Variants in GRB7 observed in about 807,000 individuals in gnomAD.
GRB7 encodes the protein growth factor receptor bound protein 7.
In GRB7, 47 loss-of-function variants were observed where a neutral mutation model predicts 64.1. That is an observed-to-expected ratio of 0.73 (90% CI 0.58 to 0.94). The LOEUF is 0.94. Ranked by LOEUF, GRB7 falls within the 40% of genes least tolerant of loss-of-function variation. The pLI, the probability that GRB7 is intolerant of heterozygous loss-of-function variation, is 0.00. For missense variants in GRB7, 634 were observed against 718.4 expected (o/e 0.88, Z 1.34); for synonymous variants, 277 against 279.9 (o/e 0.99, Z 0.10).
At chr17:39,746,275 C>A (rs552316806) in intron 14 of GRB7, 73 bp downstream of exon 14, 7 of 1,252,894 alleles carry the variant, frequency 5.6e-6, no homozygotes, top group Non-Finnish European at 8.2e-6. Flanking sequence ...CCTCACCAGG[C>A]CCCTCCAGAG....
chr17:39,742,595 C>A lies in GRB7; in HGVS notation c.185C>A (p.Thr62Asn). 3 of 1,613,898 alleles carry A rather than the reference C, an allele frequency of 1.9e-6. No individual in the cohort carries two copies. The highest frequency in any genetic ancestry group is 1.7e-6 in the Non-Finnish European group (2 of 1,179,934). Residue 62 changes from threonine (T) to asparagine (N), a missense_variant, in exon 3 of 15, where the codon ACC (threonine) becomes AAC (asparagine). Coordinates refer to ENST00000309156, the MANE Select transcript of GRB7 (RefSeq NM_005310.5). Reference sequence around the variant, plus strand: ...CTTCGAGAGGAGGAGAGGCGTGCCACCTCCCTCCCCTCTATCCCCAACCCC... The same window carrying A: ...CTTCGAGAGGAGGAGAGGCGTGCCAACTCCCTCCCCTCTATCCCCAACCCC... ...RKLREEERRA[T>N]SLPSIPNPFP...
rs2143425931 is a variant in GRB7, at chr17:39,745,496, G to C, written c.1167G>C (p.Arg389=). The change falls in exon 11 of 15, where the codon CGG becomes CGC. Residue 389 remains arginine, a synonymous_variant. Transcript: ENST00000309156. Reference sequence around the variant, plus strand: ...CTGGGCGTGTCATTGAGAACCCCCGGGAGGCTCTGAGTGTGGCCCTGGAGG... The same window carrying C: ...CTGGGCGTGTCATTGAGAACCCCCGCGAGGCTCTGAGTGTGGCCCTGGAGG... ...GHAGRVIENP[R]EALSVALEEA... is the part of the protein sequence containing the mutation. 6.2e-7 allele frequency: 1 copy of C among 1,614,010 alleles called. No homozygotes were observed. The highest frequency in any genetic ancestry group is 1.7e-5 in the Admixed American group (1 of 60,034).
intron 1 of GRB7, 86 bp from the exon 2 acceptor site, chr17:39,742,166 C>A: frequency 2.3e-6 from 2 of 874,218 alleles, no homozygotes; most frequent in Admixed American, 1.7e-5. Flanking sequence ...CCAGTTAGAG[C>A]AGTGAGGTGC....
At chr17:39,746,616 C>CA (rs375400306) in intron 14 of GRB7, 135 bp from the exon 15 acceptor site, 70,924 of 924,404 alleles carry the variant, frequency 0.077, 1 homozygote, top group East Asian at 0.083. Flanking sequence ...AAAACTGTCT[C>CA]AAAAAAAAAA....
intron 1 of GRB7, chr17:39,740,195 G>A: frequency 1.0e-6 from 1 of 982,106 alleles, no homozygotes; most frequent in Middle Eastern, 5.2e-4. Context: ...AGACTGGGGT[G>A]GGAGTGGGGG....
At chr17:39,743,750 G>A (rs942189045) in intron 6 of GRB7, 3 of 499,564 alleles carry the variant, frequency 6.0e-6, no homozygotes, top group Non-Finnish European at 1.1e-5. Context: ...TGAGGCGGGA[G>A]GATTACTTAA....
At chr17:39,739,062 T>C in intron 1 of GRB7, 1 of 699,288 alleles carries the variant, frequency 1.4e-6, no homozygotes, top group Non-Finnish European at 2.1e-6. Flanking sequence ...TTGATGAGGC[T>C]AGGGAGAGAC....
In GRB7 at chr17:39,747,158, G is replaced by C; in HGVS notation, c.*261G>C. 2.0e-6 allele frequency: 1 copy of C among 511,746 alleles called. No individual in the cohort carries two copies. The allele number at this position is 511,746 out of a possible 1,614,324, so 31.7% of individuals were successfully genotyped here. A position where few individuals can be genotyped will look rare whatever the true frequency, so the allele number is the denominator to read the frequency against. On this transcript the variant is annotated 3_prime_UTR_variant, in exon 15 of 15. Coordinates refer to ENST00000309156, the MANE Select transcript of GRB7 (RefSeq NM_005310.5). ...TCCTAGCTCTGGAGGTGCTGCTCTA[G>C]GGCAGGGAATTATGGGAGAAGTGGG...
intron 1 of GRB7, chr17:39,738,494 C>T (rs1028582104): frequency 6.2e-6 from 1 of 160,374 alleles, no homozygotes; most frequent in African/African-American, 2.4e-5. Context: ...TGGCCTCCCA[C>T]TTTTCTCTTT....
Position 39,746,577 on chromosome 17 carries a change from C to T in GRB7, c.1453-174C>T, listed in dbSNP as rs9895237. Among the ~76,000 whole-genome samples, 1,188 of 151,408 alleles carry T rather than the reference C, an allele frequency of 7.8e-3. 14 individuals carry two copies. Among genetic ancestry groups the T allele is most frequent in the African/African-American group, 0.028 (1,134 of 41,138 alleles). On this transcript the variant is annotated intron_variant, in intron 14 of 14. Transcript: ENST00000309156. ...GCTGCAGTGAGCCATGGTGGCACCA[C>T]CACACTCCAGCCTGGATGACACAGT...
intron 11 of GRB7, 34 bp from the exon 12 acceptor site, chr17:39,745,694 C>A (rs547487398): frequency 7.5e-6 from 12 of 1,609,978 alleles, no homozygotes; most frequent in Non-Finnish European, 1.0e-5. Context: ...CCCAAGCACG[C>A]CCCGACTCTC....
In GRB7 at chr17:39,744,148, C is replaced by T. The variant is rs373836261; in HGVS notation, c.742C>T (p.Arg248Cys). 1.0e-4 allele frequency: 164 copies of T among 1,614,152 alleles called. 1 individual carries two copies. Among genetic ancestry groups the T allele is most frequent in the Non-Finnish European group, 1.2e-4 (145 of 1,180,034 alleles). Residue 248 changes from arginine to cysteine, a missense_variant, in exon 7 of 15, where the codon CGC (arginine) becomes TGC (cysteine). By Grantham distance (180) the Arg-to-Cys change is radical. This residue lies in a region of GRB7 where 467 missense variants were observed against 576.6 expected (regional missense o/e 0.81). Transcript: ENST00000309156. ...LRGSGRKLWK[R>C]FFCFLRRSGL... ...GGGTTCAGGACGGAAGCTTTGGAAA[C>T]GCTTTTTCTGCTTCTTGCGCCGATC...
At chr17:39,744,429 C>A in intron 7 of GRB7, 124 bp from the exon 8 acceptor site, 1 of 853,728 alleles carries the variant, frequency 1.2e-6, no homozygotes, top group Non-Finnish European at 1.9e-6. Flanking sequence ...CTTCTATTTG[C>A]TGTGTGACCC....
chr17:39,742,893 C>T lies in GRB7; in HGVS notation c.307-5C>T, dbSNP rs770850200. 70 of 1,572,598 alleles carry T rather than the reference C, an allele frequency of 4.5e-5. No homozygotes were observed. Among genetic ancestry groups the T allele is most frequent in the African/African-American group, 5.4e-5 (4 of 73,752 alleles). On this transcript the variant is annotated splice_region_variant and splice_polypyrimidine_tract_variant and intron_variant, in intron 3 of 14. Transcript: ENST00000309156. Reference sequence around the variant, plus strand: ...CTCAAGTCGTGTGCAATTCCTGGGGCGCAGGTAGTAAAGGTGTACAGTGAG... The same window carrying T: ...CTCAAGTCGTGTGCAATTCCTGGGGTGCAGGTAGTAAAGGTGTACAGTGAG...
chr17:39,740,350 T>C (rs924915342), intron 1 of GRB7, among the ~76,000 whole-genome samples: 1 of 152,176 alleles, frequency 6.6e-6, no homozygotes, highest in Non-Finnish European at 1.5e-5. Flanking sequence ...CTCCTGCTCC[T>C]GTGGTACCCC....
In GRB7 at chr17:39,743,200, G is replaced by C; in HGVS notation, c.484G>C (p.Glu162Gln). 1 of 1,614,152 alleles carries C rather than the reference G, an allele frequency of 6.2e-7. No homozygotes were observed. The highest frequency in any genetic ancestry group is 1.7e-5 in the Admixed American group (1 of 60,030). The change falls in exon 5 of 15, where the codon GAG becomes CAG. Residue 162 changes from glutamate to glutamine, a missense_variant. This residue lies in a region of GRB7 where 467 missense variants were observed against 576.6 expected (regional missense o/e 0.81). Coordinates refer to ENST00000309156, the MANE Select transcript of GRB7 (RefSeq NM_005310.5). ...CCCAGAGCGGGGTTTGGAGGACCAC[G>C]AGTCCGTGGTGGAAGTGCAGGCTGC... ...LALERGLEDH[E>Q]SVVEVQAAWP... is the part of the protein sequence containing the mutation.
chr17:39,746,166 C>T lies in GRB7; in HGVS notation c.1416C>T (p.Cys472=), dbSNP rs2143431128. The T allele has an allele frequency of 6.2e-7, 1 of 1,613,992 alleles. No individual in the cohort carries two copies. Among genetic ancestry groups the T allele is most frequent in the Non-Finnish European group, 8.5e-7 (1 of 1,179,928 alleles). Residue 472 remains cysteine, a synonymous_variant, in exon 14 of 15, where the codon TGC becomes TGT. Coordinates refer to ENST00000309156, the MANE Select transcript of GRB7 (RefSeq NM_005310.5). ...RNPQGFVLSL[C]HLQKVKHYLI... is the part of the protein sequence containing the mutation. ...CCCAGGGCTTTGTCCTCTCTTTGTG[C>T]CACCTGCAGAAAGTGAAGCATTATC...
At chr17:39,743,627 A>G in intron 6 of GRB7, 157 bp downstream of exon 6, 2 of 654,028 alleles carry the variant, frequency 3.1e-6, no homozygotes, top group Non-Finnish European at 5.4e-6. Flanking sequence ...CCTGAGCATC[A>G]GTTTCTTCTA....
At chr17:39,740,235 C>G in intron 1 of GRB7, 1 of 900,812 alleles carries the variant, frequency 1.1e-6, no homozygotes, top group Non-Finnish European at 1.3e-6. Context: ...GTGCTGGTGT[C>G]TCTTGCTAGC....
Sources: gnomAD v4.1 joint callset for allele counts (sites outside exome capture counted in the v4.1 genomes callset) on GRCh38, gnomAD v4.1.1 for gene constraint, gnomAD v4.1.1 regional missense constraint, MANE v1.5 for transcripts, NCBI Gene and HGNC (gene_info 2026-07-23, HGNC 2026-07-21) for gene names.